The following DLGAP1 variants were observed in gnomAD, a reference collection of about 807,000 sequenced individuals.
DLGAP1 encodes the protein DLG associated protein 1.
A neutral mutation model predicts 90.8 loss-of-function variants in DLGAP1; 11 were observed. The observed-to-expected ratio is 0.12, with a 90% CI of 0.08 to 0.20. The LOEUF (loss-of-function observed/expected upper bound fraction) is 0.20, where lower values mean the gene tolerates loss of function less well. Ranked by LOEUF, DLGAP1 falls within the 10% of genes least tolerant of loss-of-function variation. The pLI is 1.00. For synonymous variants in DLGAP1, 558 were observed against 540.7 expected, an observed-to-expected ratio of 1.03 and a Z score of -0.44; for missense variants, 1,050 against 1,333.8, an observed-to-expected ratio of 0.79 and a Z score of 3.31.
chr18:4,153,597 G>T (rs1257293578), intron 1 of DLGAP1, among the ~76,000 whole-genome samples: 1 of 152,048 alleles, frequency 6.6e-6, no homozygotes, highest in African/African-American at 2.4e-5. Flanking sequence ...AAGAGTAAAA[G>T]AACAAGTACA....
chr18:3,524,595 C>T (rs535473154), intron 10 of DLGAP1, among the ~76,000 whole-genome samples: 8 of 152,246 alleles, frequency 5.3e-5, no homozygotes, highest in African/African-American at 1.2e-4. Flanking sequence ...TCAAAAATAT[C>T]GAGTCAGGTA....
At chr18:3,987,257 C>G (rs1168456341) in intron 3 of DLGAP1, among the ~76,000 whole-genome samples, 1 of 152,156 alleles carries the variant, frequency 6.6e-6, no homozygotes, top group East Asian at 1.9e-4. Flanking sequence ...TCTGGCCCCA[C>G]TTCCTGCAGA....
At chr18:3,534,062 A>T in intron 10 of DLGAP1, 132 bp downstream of exon 10, 1 of 990,244 alleles carries the variant, frequency 1.0e-6, no homozygotes, top group East Asian at 2.6e-5. Context: ...GCTCTCCTGC[A>T]TGTTCTGGTT....
intron 4 of DLGAP1, among the ~76,000 whole-genome samples, chr18:3,839,466 C>G (rs1367187216): frequency 6.6e-6 from 1 of 152,096 alleles, no homozygotes; most frequent in Non-Finnish European, 1.5e-5. Flanking sequence ...GGAGGTTATA[C>G]TTGTCTTGGG....
intron 4 of DLGAP1, among the ~76,000 whole-genome samples, chr18:3,873,798 G>T (rs546349202): frequency 6.6e-6 from 1 of 152,096 alleles, no homozygotes; most frequent in East Asian, 1.9e-4. Context: ...TGTTAATTTT[G>T]CAAAGCAACA....
chr18:4,345,970 T>C (rs9967269), intron 1 of DLGAP1, among the ~76,000 whole-genome samples: 46,619 of 152,136 alleles, frequency 0.31, 8,057 homozygotes, highest in South Asian at 0.46. Context: ...AGTGGATGCA[T>C]GCTGATCCTT....
At chr18:3,967,166 G>A (rs1049926965) in intron 3 of DLGAP1, among the ~76,000 whole-genome samples, 1 of 152,200 alleles carries the variant, frequency 6.6e-6, no homozygotes, top group African/African-American at 2.4e-5. Flanking sequence ...TACATTGGTG[G>A]AGGGAATGTG....
At chr18:4,215,585 T>G (rs552092952) in intron 1 of DLGAP1, among the ~76,000 whole-genome samples, 44 of 152,294 alleles carry the variant, frequency 2.9e-4, no homozygotes, top group African/African-American at 1.0e-3. Context: ...GCAGTCAGTA[T>G]TTCTGGTTCT....
At chr18:3,654,674 T>A (rs1257590354) in intron 7 of DLGAP1, 1 of 152,208 alleles carries the variant, frequency 6.6e-6, no homozygotes, top group Non-Finnish European at 1.5e-5. Flanking sequence ...TGCTGCTTGA[T>A]TTTGTTTCTG....
chr18:3,877,028 T>A (rs1397015780), intron 4 of DLGAP1, among the ~76,000 whole-genome samples: 1 of 152,222 alleles, frequency 6.6e-6, no homozygotes, highest in Non-Finnish European at 1.5e-5. Flanking sequence ...TGAGCCTAAA[T>A]CTCAGTTGTA....
intron 1 of DLGAP1, among the ~76,000 whole-genome samples, chr18:4,429,400 CTCAT>C (rs1368450157): frequency 6.6e-6 from 1 of 152,104 alleles, no homozygotes; most frequent in African/African-American, 2.4e-5. Flanking sequence ...TTATGTTTTT[CTCAT>C]TCATTTTTTA....
chr18:3,567,101 A>G (rs189230899), intron 9 of DLGAP1, among the ~76,000 whole-genome samples: 9 of 140,004 alleles, frequency 6.4e-5, no homozygotes, highest in African/African-American at 2.3e-4. Context: ...CATTGAGCAC[A>G]CACTAAACAC....
chr18:3,547,863 A>G (rs2053151244), intron 9 of DLGAP1, among the ~76,000 whole-genome samples: 1 of 152,260 alleles, frequency 6.6e-6, no homozygotes, highest in Non-Finnish European at 1.5e-5. Context: ...AAACAGATGA[A>G]TGAATAAACA....
At chr18:4,338,851 G>A (rs2081128718) in intron 1 of DLGAP1, among the ~76,000 whole-genome samples, 2 of 152,082 alleles carry the variant, frequency 1.3e-5, no homozygotes, top group South Asian at 4.2e-4. Flanking sequence ...CATTAACAGA[G>A]TCATTTATTC....
chr18:3,948,310 G>C (rs2072915729), intron 3 of DLGAP1, among the ~76,000 whole-genome samples: 1 of 151,590 alleles, frequency 6.6e-6, no homozygotes, highest in Non-Finnish European at 1.5e-5. Flanking sequence ...AGGGGCCACA[G>C]TGAGTCAAGC....
At chr18:4,212,968 C>A (rs965656733) in intron 1 of DLGAP1, among the ~76,000 whole-genome samples, 3 of 152,072 alleles carry the variant, frequency 2.0e-5, no homozygotes, top group Non-Finnish European at 2.9e-5. Context: ...AATAAAGTGG[C>A]AAATAAATTA....
At chr18:4,121,406 T>G (rs2076151190) in intron 2 of DLGAP1, among the ~76,000 whole-genome samples, 2 of 152,098 alleles carry the variant, frequency 1.3e-5, no homozygotes, top group African/African-American at 4.8e-5. Flanking sequence ...AGGCACTTCC[T>G]TGTAAAATCT....
At chr18:4,153,767 A>G (rs1336184059) in intron 1 of DLGAP1, among the ~76,000 whole-genome samples, 1 of 152,064 alleles carries the variant, frequency 6.6e-6, no homozygotes, top group African/African-American at 2.4e-5. Context: ...GCTACTTGGG[A>G]GTTGCCTGCT....
At chr18:3,940,540 C>A (rs2072746049) in intron 3 of DLGAP1, among the ~76,000 whole-genome samples, 1 of 152,140 alleles carries the variant, frequency 6.6e-6, no homozygotes, top group Non-Finnish European at 1.5e-5. Flanking sequence ...GGGACTGATT[C>A]ATTGCTTCTC....
Sources: gnomAD v4.1 joint callset for allele counts (sites outside exome capture counted in the v4.1 genomes callset) on GRCh38, gnomAD v4.1.1 for gene constraint, MANE v1.5 for transcripts, NCBI Gene and HGNC (gene_info 2026-07-23, HGNC 2026-07-21) for gene names.